The following ROBO2 variants were observed in gnomAD, a reference collection of about 807,000 sequenced individuals.
ROBO2 encodes roundabout guidance receptor 2.
Under a neutral mutation model 160.8 loss-of-function variants are expected in ROBO2, and 53 were observed. The observed-to-expected ratio is 0.33, with a 90% CI of 0.26 to 0.41. The LOEUF is 0.41. Among genes scored for constraint, ROBO2 ranks in the 10% least tolerant of loss-of-function variants. The pLI is 1.00. For missense variants in ROBO2, 1,577 were observed against 1,722.4 expected (o/e 0.92, Z 1.49); for synonymous variants, 664 against 611.7 (o/e 1.09, Z -1.26).
chr3:77,099,071 C>CTTTTTTTTTTTTTTTTTT (rs750626067), intron 2 of ROBO2, among the ~76,000 whole-genome samples: 1 of 121,252 alleles, frequency 8.2e-6, no homozygotes, highest in East Asian at 2.6e-4. Context: ...TTCTTTCTTT[C>CTTTTTTTTTTTTTTTTTT]TTTTTTTTTT....
At chr3:77,389,242 C>T (rs1356627461) in intron 2 of ROBO2, among the ~76,000 whole-genome samples, 1 of 152,104 alleles carries the variant, frequency 6.6e-6, no homozygotes, top group African/African-American at 2.4e-5. Context: ...CCACGCCAGG[C>T]CTTATTTATT....
At chr3:76,220,180 G>A (rs1209334622) in intron 2 of ROBO2, among the ~76,000 whole-genome samples, 1 of 146,300 alleles carries the variant, frequency 6.8e-6, no homozygotes, top group Non-Finnish European at 1.5e-5. Flanking sequence ...CCTGTTGTGG[G>A]GTTGGGGGAG....
chr3:76,327,603 A>C (rs1387140288), intron 2 of ROBO2, among the ~76,000 whole-genome samples: 7 of 152,222 alleles, frequency 4.6e-5, no homozygotes, highest in Non-Finnish European at 7.4e-5. Flanking sequence ...CTTGGACACT[A>C]ATATGATTAA....
intron 16 of ROBO2, among the ~76,000 whole-genome samples, chr3:77,587,252 T>C (rs2094075513): frequency 6.6e-6 from 1 of 152,070 alleles, no homozygotes; most frequent in Non-Finnish European, 1.5e-5. Flanking sequence ...GTCAAGGCAG[T>C]GTTACGGATC....
intron 2 of ROBO2, among the ~76,000 whole-genome samples, chr3:77,128,372 T>C (rs2075538794): frequency 6.6e-6 from 1 of 152,178 alleles, no homozygotes; most frequent in East Asian, 1.9e-4. Flanking sequence ...AAAAACATGG[T>C]ATATACTGTA....
intron 2 of ROBO2, among the ~76,000 whole-genome samples, chr3:76,771,603 G>A (rs1356908733): frequency 6.6e-6 from 1 of 151,114 alleles, no homozygotes; most frequent in African/African-American, 2.4e-5. Context: ...CAAACTTAAA[G>A]CTAATGTCTA....
chr3:77,220,157 C>T (rs182063728), intron 2 of ROBO2, among the ~76,000 whole-genome samples: 2 of 152,040 alleles, frequency 1.3e-5, no homozygotes, highest in East Asian at 2.0e-4. Context: ...ACTACAGGCA[C>T]GTGCCACCAC....
At chr3:76,786,718 G>A (rs1040811960) in intron 2 of ROBO2, among the ~76,000 whole-genome samples, 7 of 151,014 alleles carry the variant, frequency 4.6e-5, no homozygotes, top group Non-Finnish European at 8.9e-5. Flanking sequence ...TTTTGTCAAG[G>A]GCTGGATTGT....
chr3:77,606,032 C>T (rs760757401), intron 20 of ROBO2, among the ~76,000 whole-genome samples: 1 of 152,062 alleles, frequency 6.6e-6, no homozygotes, highest in South Asian at 2.1e-4. Context: ...GCTGACTCAT[C>T]AGGAAACAAA....
intron 2 of ROBO2, among the ~76,000 whole-genome samples, chr3:76,969,629 T>C (rs1210435668): frequency 6.6e-6 from 1 of 152,208 alleles, no homozygotes; most frequent in African/African-American, 2.4e-5. Context: ...TGGTTTTCTC[T>C]CTTGATTTCT....
chr3:76,016,672 A>G (rs944113706), intron 2 of ROBO2, among the ~76,000 whole-genome samples: 3 of 152,164 alleles, frequency 2.0e-5, no homozygotes, highest in African/African-American at 7.2e-5. Flanking sequence ...TGGTATATGC[A>G]AAATCTTCAT....
chr3:76,658,683 G>A (rs1306382906), intron 2 of ROBO2, among the ~76,000 whole-genome samples: 1 of 152,156 alleles, frequency 6.6e-6, no homozygotes, highest in Non-Finnish European at 1.5e-5. Flanking sequence ...TTCTATGGAT[G>A]CGTAGTATTC....
chr3:76,728,764 G>A lies in ROBO2; in HGVS notation c.110-369250G>A, dbSNP rs75258012. On this transcript the variant is annotated intron_variant, in intron 2 of 26. Transcript: ENST00000487694. Reference sequence around the variant, plus strand: ...TGAATACAAGTAGAAATGGTAATTCGACAGTAAAATATGCTTATACAAAAA... The same window carrying A: ...TGAATACAAGTAGAAATGGTAATTCAACAGTAAAATATGCTTATACAAAAA... 3.4e-4 allele frequency among the ~76,000 whole-genome samples: 52 copies of A among 152,268 alleles called. 1 individual carries two copies. In the East Asian group the frequency reaches 9.8e-3, roughly 29 times the overall value.
chr3:77,420,167 G>A (rs1299204876), intron 2 of ROBO2, among the ~76,000 whole-genome samples: 1 of 151,950 alleles, frequency 6.6e-6, no homozygotes, highest in Non-Finnish European at 1.5e-5. Context: ...TAAAATGAAA[G>A]GGTGTTCTCA....
chr3:76,885,219 T>G (rs2073758962), intron 2 of ROBO2, among the ~76,000 whole-genome samples: 2 of 152,228 alleles, frequency 1.3e-5, no homozygotes. Context: ...GTAATTTTAC[T>G]GTCCTCAATT....
At chr3:76,382,015 A>C (rs1364877436) in intron 2 of ROBO2, among the ~76,000 whole-genome samples, 3 of 151,958 alleles carry the variant, frequency 2.0e-5, no homozygotes, top group African/African-American at 7.3e-5. Flanking sequence ...GGTCTCACTC[A>C]GTTGCCCAGG....
intron 2 of ROBO2, among the ~76,000 whole-genome samples, chr3:76,942,114 A>G (rs2078226713): frequency 6.6e-6 from 1 of 152,204 alleles, no homozygotes; most frequent in Non-Finnish European, 1.5e-5. Flanking sequence ...TATGTGAAGA[A>G]TTTCTTAGAT....
chr3:77,461,654 C>T (rs1417668366), intron 2 of ROBO2, among the ~76,000 whole-genome samples: 1 of 150,640 alleles, frequency 6.6e-6, no homozygotes, highest in Non-Finnish European at 1.5e-5. Flanking sequence ...AAAAAATTTT[C>T]TTTAAGGAAA....
chr3:76,184,691 C>T (rs967248795), intron 2 of ROBO2, among the ~76,000 whole-genome samples: 1 of 152,016 alleles, frequency 6.6e-6, no homozygotes, highest in African/African-American at 2.4e-5. Context: ...AGATGCTTGG[C>T]TCAGTCCAAG....
Sources: gnomAD v4.1 joint callset for allele counts (sites outside exome capture counted in the v4.1 genomes callset) on GRCh38, gnomAD v4.1.1 for gene constraint, MANE v1.5 for transcripts, NCBI Gene and HGNC (gene_info 2026-07-23, HGNC 2026-07-21) for gene names.